The following SAP130 variants were observed in gnomAD, a reference collection of about 807,000 sequenced individuals.
SAP130 encodes histone deacetylase complex subunit SAP130.
In SAP130, 16 loss-of-function variants were observed where a neutral mutation model predicts 103.2. That is an observed-to-expected ratio of 0.16 (90% CI 0.10 to 0.24). The LOEUF (loss-of-function observed/expected upper bound fraction) is 0.24, where lower values mean the gene tolerates loss of function less well. Among genes scored for constraint, SAP130 ranks in the 10% least tolerant of loss-of-function variants. The pLI, the probability that SAP130 is intolerant of heterozygous loss-of-function variation, is 1.00. For missense variants in SAP130, 990 were observed against 1,359.7 expected, an observed-to-expected ratio of 0.73 and a Z score of 4.28; for synonymous variants, 477 against 497.0, an observed-to-expected ratio of 0.96 and a Z score of 0.53.
intron 15 of SAP130, among the ~76,000 whole-genome samples, chr2:127,966,236 A>G (rs1334162590): frequency 6.6e-6 from 1 of 151,992 alleles, no homozygotes; most frequent in Admixed American, 6.6e-5. Context: ...CCAGCTACTC[A>G]GGAGGCTGAG....
At chr2:127,987,483 G>C (rs369575236) in intron 13 of SAP130, among the ~76,000 whole-genome samples, 32 of 152,130 alleles carry the variant, frequency 2.1e-4, no homozygotes, top group Non-Finnish European at 3.2e-4. Context: ...ACCACACTTG[G>C]CCCATACCAT....
Position 127,949,931 on chromosome 2 carries a change from T to C in SAP130, c.2735A>G (p.Tyr912Cys), listed in dbSNP as rs948314868. Residue 912 changes from tyrosine to cysteine, a missense_variant, in exon 18 of 21, where the codon TAT becomes TGT. Coordinates refer to ENST00000643581, the MANE Select transcript of SAP130 (RefSeq NM_001330301.2). ...PRPPITLLRH[Y>C]RNPWKAAYHH... ...GTAAGCAGCTTTCCAGGGGTTCCGATAGTGACGAAGCAAAGTAATGGGGGG... is the reference window on the plus strand; with the variant it reads ...GTAAGCAGCTTTCCAGGGGTTCCGACAGTGACGAAGCAAAGTAATGGGGGG... 6.2e-7 allele frequency: 1 copy of C among 1,614,150 alleles called. No individual in the cohort carries two copies. The highest frequency in any genetic ancestry group is 8.5e-7 in the Non-Finnish European group (1 of 1,180,008).
Position 127,973,874 on chromosome 2 carries a change from G to C in SAP130, c.2063+4111C>G, listed in dbSNP as rs183769707. 1.3e-3 allele frequency among the ~76,000 whole-genome samples: 199 copies of C among 152,132 alleles called. 2 individuals carry two copies. The highest frequency in any genetic ancestry group is 0.01 in the Middle Eastern group (3 of 294). The stretch of plus-strand genomic sequence containing the variant: ...ATACTGCTTGAGCCCAGGAGTTCCA[G>C]ACCAGCCTGGGCAACATGGTGAAAC... On this transcript the variant is annotated intron_variant, in intron 15 of 20. Transcript: ENST00000643581.
chr2:127,954,924 A>G, intron 16 of SAP130, 62 bp downstream of exon 16: 2 of 1,255,800 alleles, frequency 1.6e-6, no homozygotes, highest in Non-Finnish European at 2.2e-6. Flanking sequence ...TGGATGCTGG[A>G]GGAGAATTAG....
At position 127,986,971 on chromosome 2, in the gene SAP130, G is replaced by A; in HGVS notation, c.1781-9C>T. On this transcript the variant is annotated splice_polypyrimidine_tract_variant and intron_variant, in intron 13 of 20. Coordinates refer to ENST00000643581, the MANE Select transcript of SAP130 (RefSeq NM_001330301.2). The surrounding 1 kb of genome is among the most constrained non-coding windows in gnomAD (Gnocchi z 4.7). The stretch of plus-strand genomic sequence containing the variant: ...ATCTGCCAACACCACTGCTACAGGA[G>A]AGAGGCAACAGGAAAGAACATTGAA... The A allele has an allele frequency of 6.2e-7, 1 of 1,604,954 alleles. No individual in the cohort carries two copies.
chr2:128,006,197 A>C (rs554286367), intron 7 of SAP130, among the ~76,000 whole-genome samples: 7 of 152,308 alleles, frequency 4.6e-5, no homozygotes, highest in African/African-American at 1.7e-4. Flanking sequence ...TCAATCAGCC[A>C]AACTATTGCC....
chr2:128,009,945 G>A (rs908846880), intron 7 of SAP130, among the ~76,000 whole-genome samples: 7 of 151,804 alleles, frequency 4.6e-5, no homozygotes, highest in Admixed American at 2.0e-4. Context: ...AGCCCTCTCC[G>A]ACCACATTAC....
In SAP130 at chr2:127,993,183, A is replaced by G; in HGVS notation, c.1477+4T>C. 1.2e-6 allele frequency: 2 copies of G among 1,613,832 alleles called. No individual in the cohort carries two copies. The highest frequency in any genetic ancestry group is 1.7e-6 in the Non-Finnish European group (2 of 1,179,778). Reference sequence around the variant, plus strand: ...AAAAGTCATCTAAAAAGCAGGGCTCATACCTGGATACTGTCGGATAGTGGA... The same window carrying G: ...AAAAGTCATCTAAAAAGCAGGGCTCGTACCTGGATACTGTCGGATAGTGGA... On this transcript the variant is annotated splice_donor_region_variant and intron_variant, in intron 12 of 20. Transcript: ENST00000643581.
At chr2:127,945,340 AC>A (rs1679001670) in intron 19 of SAP130, 115 bp downstream of exon 19, 1 of 650,872 alleles carries the variant, frequency 1.5e-6, no homozygotes, top group African/African-American at 1.8e-5. Context: ...TTCTATCATA[AC>A]CCATGTTAGC....
At chr2:128,021,926 T>G (rs1231037662) in intron 2 of SAP130, among the ~76,000 whole-genome samples, 1 of 152,272 alleles carries the variant, frequency 6.6e-6, no homozygotes, top group Non-Finnish European at 1.5e-5. Context: ...GTGAAGTGCA[T>G]GTTTATCTTT....
rs762796528 is a variant in SAP130, at chr2:127,989,880, G to A, written c.1478-14C>T. ...CCTGAGCTGAAACTAAAAATGATGC[G>A]AAAGGTAACTATAAGAAGGTTAGCT... is the stretch of plus-strand genomic sequence containing the variant. On this transcript the variant is annotated splice_polypyrimidine_tract_variant and intron_variant, in intron 12 of 20. Transcript: ENST00000643581. This position sits in a 1 kb window ranked among gnomAD's most constrained non-coding sequence, Gnocchi z 4.6. 31 of 1,608,418 alleles carry A rather than the reference G, an allele frequency of 1.9e-5. No homozygotes were observed. The highest frequency in any genetic ancestry group is 9.9e-5 in the South Asian group (9 of 90,546).
rs1406968586 is a variant in SAP130 at position 128,017,909 on chromosome 2, T to C, written c.119A>G (p.Asp40Gly). Residue 40 changes from aspartate to glycine, a missense_variant, in exon 3 of 21, where the codon GAT becomes GGT. Physicochemically the swap from Asp to Gly is moderately conservative, Grantham distance 94. Around this residue, in one of 6 missense-constraint regions of SAP130, gnomAD observed 167 missense variants for 187.4 expected, o/e 0.89. Transcript: ENST00000643581. ...GACTTCAGAATCTCGACCAGATTCA[T>C]CATTGACTAGTAAAGACATTAAGAG... ...GLINPAATVN[D>G]ESGRDSEVSA... 4 of 1,613,276 alleles carry C rather than the reference T, an allele frequency of 2.5e-6. No homozygotes were observed. In the South Asian group the frequency reaches 4.4e-5, roughly 18 times the overall value.
chr2:128,016,313 T>C, intron 4 of SAP130, 76 bp downstream of exon 4: 1 of 1,444,364 alleles, frequency 6.9e-7, no homozygotes, highest in East Asian at 2.3e-5. Context: ...ACTAATGTAC[T>C]GCTAGCATTC....
chr2:128,004,684 T>A (rs573941076), intron 7 of SAP130, among the ~76,000 whole-genome samples: 1 of 152,150 alleles, frequency 6.6e-6, no homozygotes, highest in South Asian at 2.1e-4. Context: ...AAGCAAAGGA[T>A]CTAGGGTTAA....
intron 18 of SAP130, among the ~76,000 whole-genome samples, chr2:127,946,284 G>T (rs1679071810): frequency 6.6e-6 from 1 of 152,182 alleles, no homozygotes; most frequent in African/African-American, 2.4e-5. Flanking sequence ...AATTGGGGGA[G>T]ATTTGTGAAC....
chr2:127,979,490 G>GA (rs869027951), intron 14 of SAP130, among the ~76,000 whole-genome samples: 2 of 76,748 alleles, frequency 2.6e-5, no homozygotes, highest in African/African-American at 3.5e-5. Context: ...TAAACTGCAG[G>GA]AAAAAAAAAA....
At chr2:127,957,779 G>T (rs1470383989) in intron 15 of SAP130, among the ~76,000 whole-genome samples, 1 of 151,932 alleles carries the variant, frequency 6.6e-6, no homozygotes, top group Non-Finnish European at 1.5e-5. Context: ...TTCATATTGA[G>T]AAGGCTTTAA....
chr2:127,991,335 A>G (rs953010218), intron 12 of SAP130, among the ~76,000 whole-genome samples: 3 of 152,206 alleles, frequency 2.0e-5, no homozygotes, highest in African/African-American at 7.2e-5. Flanking sequence ...TCAATATGTC[A>G]TTAATAAACA....
chr2:127,966,713 A>G (rs1031508275), intron 15 of SAP130, among the ~76,000 whole-genome samples: 1 of 152,206 alleles, frequency 6.6e-6, no homozygotes, highest in Non-Finnish European at 1.5e-5. Context: ...CATGAAAAGA[A>G]AGAAAAAGGA....
Sources: allele counts gnomAD v4.1 joint callset (sites outside exome capture counted in the v4.1 genomes callset), GRCh38; gene constraint gnomAD v4.1.1; regional missense constraint gnomAD v4.1.1; non-coding constraint Gnocchi (gnomAD v3.1); transcripts MANE v1.5; gene names NCBI Gene and HGNC (gene_info 2026-07-23, HGNC 2026-07-21).